CDH13: variants seen among roughly 807,000 people sequenced by gnomAD.
The protein encoded by CDH13 is cadherin-13.
Under a neutral mutation model 63.8 loss-of-function variants are expected in CDH13, and 24 were observed. The ratio of observed to expected loss-of-function variants is 0.38; its 90% CI spans 0.27 to 0.53. The LOEUF is 0.53. CDH13 is among the 20% of genes least tolerant of loss of function. The probability of loss-of-function intolerance (pLI) is 0.85; values close to 1 mark genes in which losing one functional copy is unlikely to be tolerated. For synonymous variants in CDH13, 503 were observed against 355.3 expected (o/e 1.42, Z -4.67); for missense variants, 1,049 against 903.1 (o/e 1.16, Z -2.07).
At chr16:83,472,041 C>T (rs1379434291) in intron 6 of CDH13, among the ~76,000 whole-genome samples, 1 of 152,230 alleles carries the variant, frequency 6.6e-6, no homozygotes, top group Non-Finnish European at 1.5e-5. Flanking sequence ...GGCCATGCCT[C>T]TCCCGTCTTT....
At chr16:83,711,598 C>T (rs753469285) in intron 10 of CDH13, among the ~76,000 whole-genome samples, 16 of 152,216 alleles carry the variant, frequency 1.1e-4, no homozygotes, top group Non-Finnish European at 7.3e-5. Flanking sequence ...TCACCACAAC[C>T]TCTGCCTTCC....
At chr16:82,864,806 C>T (rs1419127977) in intron 2 of CDH13, among the ~76,000 whole-genome samples, 2 of 152,326 alleles carry the variant, frequency 1.3e-5, no homozygotes, top group Non-Finnish European at 2.9e-5. Context: ...TTAATTCATT[C>T]TGGCATTAAC....
chr16:83,095,050 T>C (rs11861572), intron 3 of CDH13, among the ~76,000 whole-genome samples: 2,374 of 152,216 alleles, frequency 0.016, 49 homozygotes, highest in African/African-American at 0.054. Context: ...TTTAGAAAAA[T>C]CCCACTCTTC....
intron 7 of CDH13, among the ~76,000 whole-genome samples, chr16:83,580,389 C>A (rs1905451799): frequency 6.7e-6 from 1 of 149,462 alleles, no homozygotes; most frequent in African/African-American, 2.5e-5. Context: ...CCAGGAAGGT[C>A]CAAAATCTAA....
At chr16:83,759,244 T>C (rs116593209) in intron 11 of CDH13, among the ~76,000 whole-genome samples, 1 of 152,282 alleles carries the variant, frequency 6.6e-6, no homozygotes, top group African/African-American at 2.4e-5. Context: ...ATTCCACACA[T>C]ACCCAGTTTC....
intron 6 of CDH13, among the ~76,000 whole-genome samples, chr16:83,355,427 A>G (rs887114220): frequency 6.6e-6 from 1 of 152,184 alleles, no homozygotes; most frequent in African/African-American, 2.4e-5. Flanking sequence ...GACCAGGAGA[A>G]CTGAATGGTT....
At chr16:83,537,289 T>C (rs2075210132) in intron 7 of CDH13, among the ~76,000 whole-genome samples, 1 of 152,204 alleles carries the variant, frequency 6.6e-6, no homozygotes, top group African/African-American at 2.4e-5. Context: ...ACTGGGACAA[T>C]GAATTGGCTG....
chr16:83,092,785 A>G (rs1032705466), intron 3 of CDH13, among the ~76,000 whole-genome samples: 1 of 152,222 alleles, frequency 6.6e-6, no homozygotes, highest in Non-Finnish European at 1.5e-5. Flanking sequence ...AGATTCACTC[A>G]CCAAATCTAG....
intron 1 of CDH13, among the ~76,000 whole-genome samples, chr16:82,668,500 C>G (rs1016013086): frequency 2.0e-5 from 3 of 152,100 alleles, no homozygotes; most frequent in African/African-American, 7.2e-5. Flanking sequence ...TCAGGGAAAA[C>G]CATTAGGGCA....
chr16:82,630,235 C>A (rs1343279373), intron 1 of CDH13, among the ~76,000 whole-genome samples: 4 of 152,152 alleles, frequency 2.6e-5, no homozygotes, highest in Non-Finnish European at 5.9e-5. Flanking sequence ...CCCTCCCCCC[C>A]TAGGGTCAAT....
At chr16:82,703,194 C>G (rs773119901) in intron 1 of CDH13, among the ~76,000 whole-genome samples, 2 of 147,946 alleles carry the variant, frequency 1.4e-5, no homozygotes, top group African/African-American at 2.6e-5. Flanking sequence ...ACTACACACA[C>G]TGGATGTATA....
intron 2 of CDH13, among the ~76,000 whole-genome samples, chr16:82,976,038 A>G (rs1909457173): frequency 6.6e-6 from 1 of 152,228 alleles, no homozygotes. Flanking sequence ...TGAAGAGATG[A>G]AAGCCCCTGG....
intron 1 of CDH13, among the ~76,000 whole-genome samples, chr16:82,850,473 A>G (rs1412774971): frequency 6.6e-6 from 1 of 152,238 alleles, no homozygotes; most frequent in Non-Finnish European, 1.5e-5. Context: ...GTTTCTTGAG[A>G]TGGAATCTAA....
chr16:83,302,232 C>A (rs2089765339), intron 5 of CDH13, among the ~76,000 whole-genome samples: 1 of 152,112 alleles, frequency 6.6e-6, no homozygotes, highest in African/African-American at 2.4e-5. Flanking sequence ...AATTTTAAGC[C>A]CCGCTTTTAC....
intron 3 of CDH13, among the ~76,000 whole-genome samples, chr16:83,049,361 C>G (rs2030023078): frequency 8.0e-6 from 1 of 125,330 alleles, no homozygotes; most frequent in African/African-American, 3.1e-5. Context: ...CAGAGTCTCA[C>G]TCTGTCGCCC....
At chr16:83,197,818 TCACACACACACA>T (rs58704316) in intron 4 of CDH13, among the ~76,000 whole-genome samples, 5 of 149,010 alleles carry the variant, frequency 3.4e-5, no homozygotes, top group African/African-American at 1.2e-4. Context: ...TCTGACACAT[TCACACACACACA>T]CACACACACA....
rs578098354 is a variant in CDH13, at chr16:82,937,136, G to T, written c.157+78663G>T. Among the ~76,000 whole-genome samples the T allele has an allele frequency of 1.1e-4, 17 of 152,200 alleles. No individual in the cohort carries two copies. In the East Asian group the frequency reaches 3.1e-3, roughly 28 times the overall value. On this transcript the variant is annotated intron_variant, in intron 2 of 13. Transcript: ENST00000567109. ...CTAGCATTAAACTAAACCCACAAAC[G>T]CCTGTTCCCTCTTGATAGGGTGGTC...
chr16:83,592,141 G>A (rs553273449), intron 7 of CDH13, among the ~76,000 whole-genome samples: 2 of 152,240 alleles, frequency 1.3e-5, no homozygotes, highest in South Asian at 4.1e-4. Context: ...TCTCCCACGG[G>A]ACTTGATTCC....
At chr16:83,294,517 C>T (rs1341714749) in intron 5 of CDH13, among the ~76,000 whole-genome samples, 1 of 151,986 alleles carries the variant, frequency 6.6e-6, no homozygotes, top group Non-Finnish European at 1.5e-5. Flanking sequence ...GCTTGAGTTA[C>T]TTAACATAAT....
Sources: allele counts gnomAD v4.1 joint callset (sites outside exome capture counted in the v4.1 genomes callset), GRCh38; gene constraint gnomAD v4.1.1; transcripts MANE v1.5; gene names NCBI Gene and HGNC (gene_info 2026-07-23, HGNC 2026-07-21).